PCDHA11: variants seen among roughly 807,000 people sequenced by gnomAD.
PCDHA11 encodes protocadherin alpha-11.
A neutral mutation model predicts 70.3 loss-of-function variants in PCDHA11; 61 were observed. The ratio of observed to expected loss-of-function variants is 0.87; its 90% CI spans 0.71 to 1.07. PCDHA11 has a LOEUF of 1.07. Among genes scored for constraint, PCDHA11 ranks in the 50% least tolerant of loss-of-function variants. The pLI is 0.00. For synonymous variants in PCDHA11, 633 were observed against 555.1 expected, an observed-to-expected ratio of 1.14 and a Z score of -1.97; for missense variants, 1,324 against 1,237.5, an observed-to-expected ratio of 1.07 and a Z score of -1.05.
chr5:140,971,599 A>G (rs891227830), intron 1 of PCDHA11, among the ~76,000 whole-genome samples: 1 of 152,140 alleles, frequency 6.6e-6, no homozygotes, highest in African/African-American at 2.4e-5. Flanking sequence ...GTTACTACAG[A>G]TGGCAGGAGA....
At chr5:140,897,353 T>C (rs1363658526) in intron 1 of PCDHA11, among the ~76,000 whole-genome samples, 3 of 116,194 alleles carry the variant, frequency 2.6e-5, no homozygotes, top group Non-Finnish European at 4.9e-5. Flanking sequence ...CCCACAACTG[T>C]CCCCAGAGTG....
chr5:140,883,391 T>C (rs1301270294), intron 1 of PCDHA11: 8 of 1,614,052 alleles, frequency 5.0e-6, no homozygotes, highest in Non-Finnish European at 6.8e-6. Flanking sequence ...AATCAGTGTG[T>C]CCGATCGTGA....
intron 1 of PCDHA11, chr5:140,928,323 T>C: frequency 1.2e-6 from 2 of 1,614,178 alleles, no homozygotes; most frequent in Non-Finnish European, 1.7e-6. Context: ...TGGGGAAGAA[T>C]GGCCTTGTCT....
At chr5:140,913,212 T>G (rs113766408) in intron 1 of PCDHA11, among the ~76,000 whole-genome samples, 11,533 of 152,278 alleles carry the variant, frequency 0.076, 607 homozygotes, top group Non-Finnish European at 0.12. Flanking sequence ...AGCCAATGGG[T>G]CCCAGGCTTT....
At chr5:140,872,562 G>A (rs2053754616) in intron 1 of PCDHA11, among the ~76,000 whole-genome samples, 1 of 152,072 alleles carries the variant, frequency 6.6e-6, no homozygotes, top group Non-Finnish European at 1.5e-5. Context: ...AGGGGTTCAG[G>A]GCTGCAGTGA....
At chr5:140,970,135 G>C (rs1317802980) in intron 1 of PCDHA11, among the ~76,000 whole-genome samples, 1 of 152,016 alleles carries the variant, frequency 6.6e-6, no homozygotes, top group Non-Finnish European at 1.5e-5. Context: ...GAAGAGAAGG[G>C]AAAAAGAATT....
chr5:140,988,707 G>A (rs2097310016), intron 3 of PCDHA11, among the ~76,000 whole-genome samples: 1 of 152,106 alleles, frequency 6.6e-6, no homozygotes, highest in African/African-American at 2.4e-5. Context: ...TATTTTCTTG[G>A]ACCTCTCATT....
At chr5:140,881,191 T>C (rs564115136) in intron 1 of PCDHA11, 2 of 170,408 alleles carry the variant, frequency 1.2e-5, no homozygotes, top group African/African-American at 4.8e-5. Context: ...AAAGATATGT[T>C]AACATCTTTG....
Position 140,967,363 on chromosome 5 carries a change from C to T in PCDHA11, c.2392-11586C>T, listed in dbSNP as rs539138806. On this transcript the variant is annotated intron_variant, in intron 1 of 3. Coordinates refer to ENST00000398640, the MANE Select transcript of PCDHA11 (RefSeq NM_018902.5). ...AGCACTTCGAGCTGGACCTTAAGCCCCTGCAGGAGAACAGTAAAGTGCTTG... is the reference window on the plus strand; with the variant it reads ...AGCACTTCGAGCTGGACCTTAAGCCTCTGCAGGAGAACAGTAAAGTGCTTG... The T allele has an allele frequency of 1.6e-5, 26 of 1,607,546 alleles. No homozygotes were observed. The South Asian group carries it at 2.9e-4, about 18-fold the overall frequency.
chr5:140,919,424 T>G (rs1222822099), intron 1 of PCDHA11, among the ~76,000 whole-genome samples: 7 of 152,218 alleles, frequency 4.6e-5, no homozygotes, highest in Non-Finnish European at 2.9e-5. Context: ...CAATTCTGCC[T>G]TTTGATTGGG....
intron 1 of PCDHA11, chr5:140,884,143 G>A: frequency 6.2e-7 from 1 of 1,613,438 alleles, no homozygotes; most frequent in Non-Finnish European, 8.5e-7. Context: ...TCCGCGTGGG[G>A]CTGTACACTG....
intron 1 of PCDHA11, among the ~76,000 whole-genome samples, chr5:140,903,228 C>T (rs1417505177): frequency 1.3e-5 from 2 of 152,112 alleles, no homozygotes; most frequent in Non-Finnish European, 2.9e-5. Flanking sequence ...ACATCTATTA[C>T]TTTTTGATTT....
chr5:140,952,379 G>T (rs1384901092), intron 1 of PCDHA11, among the ~76,000 whole-genome samples: 1 of 151,322 alleles, frequency 6.6e-6, no homozygotes, highest in Non-Finnish European at 1.5e-5. Flanking sequence ...TCCTCTGCCA[G>T]GTACCCTAAA....
Position 140,869,243 on chromosome 5 carries a change from G to A in PCDHA11, c.140G>A (p.Arg47His), listed in dbSNP as rs1554162716. The change falls in exon 1 of 4, where the codon CGC (arginine) becomes CAC (histidine). Residue 47 changes from arginine to histidine, a missense_variant. Coordinates refer to ENST00000398640, the MANE Select transcript of PCDHA11 (RefSeq NM_018902.5). ...EEAKHGTFVG[R>H]IAQDLGLELA... ...GCCAAACACGGCACCTTCGTGGGCC[G>A]CATCGCGCAGGACCTGGGGCTGGAG... The A allele has an allele frequency of 6.2e-6, 10 of 1,613,544 alleles. No individual in the cohort carries two copies. The highest frequency in any genetic ancestry group is 2.7e-5 in the African/African-American group (2 of 74,928).
At chr5:140,923,584 T>C (rs2081432624) in intron 1 of PCDHA11, among the ~76,000 whole-genome samples, 1 of 152,172 alleles carries the variant, frequency 6.6e-6, no homozygotes, top group South Asian at 2.1e-4. Context: ...AGAGAAGGTT[T>C]GTTAATTCAT....
chr5:140,968,370 A>T (rs1169551068), intron 1 of PCDHA11: 1 of 1,613,428 alleles, frequency 6.2e-7, no homozygotes, highest in African/African-American at 1.3e-5. Flanking sequence ...TATGCTGTCA[A>T]CTCCTTTGAC....
intron 1 of PCDHA11, among the ~76,000 whole-genome samples, chr5:140,903,138 A>T (rs188809018): frequency 6.6e-6 from 1 of 152,258 alleles, no homozygotes; most frequent in East Asian, 1.9e-4. Context: ...AAATCTCCAA[A>T]CTGTTTTCCA....
rs554450758 is a variant in PCDHA11, at chr5:140,895,787, C to T, written c.2391+24293C>T. On this transcript the variant is annotated intron_variant, in intron 1 of 3. Coordinates refer to ENST00000398640, the MANE Select transcript of PCDHA11 (RefSeq NM_018902.5). ...TTTATGGCTGCATAGTATTCAATGA[C>T]GTATATGTACAATACTGTATTGTAT... 8.5e-5 allele frequency among the ~76,000 whole-genome samples: 13 copies of T among 152,124 alleles called. No homozygotes were observed. The South Asian group carries it at 2.1e-3, about 24-fold the overall frequency.
intron 1 of PCDHA11, chr5:140,875,168 G>A (rs1554167513): frequency 5.5e-6 from 2 of 364,784 alleles, no homozygotes; most frequent in African/African-American, 4.2e-5. Flanking sequence ...ACCCAAAGTC[G>A]AAACATTAGA....
Sources: gnomAD v4.1 joint callset for allele counts (sites outside exome capture counted in the v4.1 genomes callset) on GRCh38, gnomAD v4.1.1 for gene constraint, MANE v1.5 for transcripts, NCBI Gene and HGNC (gene_info 2026-07-23, HGNC 2026-07-21) for gene names.